The following CCDC102B variants were observed in gnomAD, a reference collection of about 807,000 sequenced individuals.
The protein encoded by CCDC102B is coiled-coil domain-containing protein 102B.
CCDC102B carries 75 observed loss-of-function variants against 57.4 expected under a neutral mutation model. The observed-to-expected ratio is 1.31, with a 90% CI of 1.08 to 1.58. The LOEUF is 1.58. CCDC102B is among the 40% of genes most tolerant of loss of function. The pLI is 0.00. For missense variants in CCDC102B, 636 were observed against 582.6 expected (o/e 1.09, Z -0.94); for synonymous variants, 206 against 201.9 (o/e 1.02, Z -0.17).
intron 7 of CCDC102B, among the ~76,000 whole-genome samples, chr18:69,049,363 C>T (rs1320567241): frequency 1.3e-5 from 2 of 152,052 alleles, no homozygotes; most frequent in African/African-American, 4.8e-5. Context: ...CTGCAAAGGA[C>T]ATGAATTCAT....
At chr18:68,969,643 GC>G (rs1361496085) in intron 6 of CCDC102B, among the ~76,000 whole-genome samples, 1 of 151,714 alleles carries the variant, frequency 6.6e-6, no homozygotes, top group Non-Finnish European at 1.5e-5. Flanking sequence ...TAAAACATAT[GC>G]CACAAAATTT....
intron 6 of CCDC102B, among the ~76,000 whole-genome samples, chr18:68,945,822 A>T (rs2049523013): frequency 6.6e-6 from 1 of 152,074 alleles, no homozygotes; most frequent in African/African-American, 2.4e-5. Context: ...TGCTGATACT[A>T]CTACATTTTC....
intron 2 of CCDC102B, among the ~76,000 whole-genome samples, chr18:68,769,580 T>C (rs182957237): frequency 6.6e-6 from 1 of 152,202 alleles, no homozygotes; most frequent in African/African-American, 2.4e-5. Flanking sequence ...TGGGCTCTGA[T>C]TTCAACAAGA....
chr18:68,731,338 C>G (rs2032853568), intron 2 of CCDC102B, among the ~76,000 whole-genome samples: 1 of 152,134 alleles, frequency 6.6e-6, no homozygotes, highest in Non-Finnish European at 1.5e-5. Flanking sequence ...GAGATGATCA[C>G]AAACCCCTAT....
At chr18:69,029,496 G>C (rs1794854080) in intron 7 of CCDC102B, among the ~76,000 whole-genome samples, 1 of 43,988 alleles carries the variant, frequency 2.3e-5, no homozygotes. Flanking sequence ...TCAGACATGT[G>C]AGAATTTTTT....
At position 68,987,682 on chromosome 18, in the gene CCDC102B, C is replaced by T. The variant is rs1743831814; in HGVS notation, c.1264-23252C>T. On this transcript the variant is annotated intron_variant, in intron 6 of 7. Coordinates refer to ENST00000360242, the MANE Select transcript of CCDC102B (RefSeq NM_024781.3). ...ACAAAGGTCTAACACACAGAATCTA[C>T]AACGAACTTAATAAGTGAAAAAAAG... Among the ~76,000 whole-genome samples the T allele has an allele frequency of 4.6e-5, 7 of 152,028 alleles. No individual in the cohort carries two copies. The South Asian group carries it at 1.2e-3, about 27-fold the overall frequency.
At chr18:68,753,877 T>A (rs1310931226) in intron 2 of CCDC102B, 1 of 152,188 alleles carries the variant, frequency 6.6e-6, no homozygotes, top group African/African-American at 2.4e-5. Flanking sequence ...TATCTTTTTA[T>A]GTGATTTATA....
chr18:68,803,639 C>A (rs929806233), intron 1 of CCDC102B, among the ~76,000 whole-genome samples: 3 of 152,152 alleles, frequency 2.0e-5, no homozygotes, highest in African/African-American at 7.2e-5. Flanking sequence ...GAGGCACAGG[C>A]AGAAGCTACT....
chr18:68,997,449 T>TTC (rs2051061496), intron 6 of CCDC102B, among the ~76,000 whole-genome samples: 1 of 151,884 alleles, frequency 6.6e-6, no homozygotes, highest in African/African-American at 2.4e-5. Context: ...TACCGATAAG[T>TTC]GTTCTGGCAA....
Position 68,771,869 on chromosome 18 carries a change from T to TACACACACACAC in CCDC102B, c.-66-51469_-66-51458dup, listed in dbSNP as rs57733183. Among the ~76,000 whole-genome samples the TACACACACACAC allele has an allele frequency of 8.7e-4, 123 of 142,110 alleles. 1 individual carries two copies. Among genetic ancestry groups the TACACACACACAC allele is most frequent in the South Asian group, 2.4e-3 (10 of 4,242 alleles). The allele number at this position is 142,110 out of a possible 152,430, so 93.2% of individuals were successfully genotyped here. A position where few individuals can be genotyped will look rare whatever the true frequency, so the allele number is the denominator to read the frequency against. ...GTACATATGAGTTGTTACTCTGAAA[T>TACACACACACAC]ACACACACACACACACACACACACA... On this transcript the variant is annotated intron_variant, in intron 2 of 3. Transcript: ENST00000578970.
At position 68,834,432 on chromosome 18, in the gene CCDC102B, C is replaced by CATATATATATATATATATATAT. The variant is rs67872866; in HGVS notation, c.-15-2316_-15-2295dup. On this transcript the variant is annotated intron_variant, in intron 1 of 7. Coordinates refer to ENST00000360242, the MANE Select transcript of CCDC102B (RefSeq NM_024781.3). ...ATATATGTAGTTGTATATGTAAATA[C>CATATATATATATATATATATAT]ATATATATATATATATATATATTTG... Among the ~76,000 whole-genome samples the CATATATATATATATATATATAT allele has an allele frequency of 1.3e-3, 180 of 137,632 alleles. 1 individual carries two copies. The highest frequency in any genetic ancestry group is 4.3e-3 in the African/African-American group (158 of 36,966). The allele number at this position is 137,632 out of a possible 152,430, so 90.3% of individuals were successfully genotyped here.
rs371026293 is a variant in CCDC102B at position 68,945,404 on chromosome 18, T to TTTGC, written c.1263+47979_1263+47982dup. ...ATTGTCAAGTTCATATAAAATGTGA[T>TTTGC]TTGCTTACCATGAGCAGCTCAAAAA... On this transcript the variant is annotated intron_variant, in intron 6 of 7. Transcript: ENST00000360242. 1.8e-3 allele frequency among the ~76,000 whole-genome samples: 279 copies of TTTGC among 152,210 alleles called. 1 individual carries two copies. The highest frequency in any genetic ancestry group is 6.1e-3 in the African/African-American group (255 of 41,550).
intron 1 of CCDC102B, among the ~76,000 whole-genome samples, chr18:68,822,595 A>G (rs1229351912): frequency 2.0e-5 from 3 of 152,136 alleles, no homozygotes; most frequent in Admixed American, 2.0e-4. Context: ...GCACCCAGGT[A>G]GGAGAGTATA....
chr18:68,734,508 G>A (rs539920027), intron 2 of CCDC102B, among the ~76,000 whole-genome samples: 5 of 152,174 alleles, frequency 3.3e-5, no homozygotes, highest in Non-Finnish European at 7.3e-5. Context: ...TTTATGCGTC[G>A]TGTGTATTTA....
chr18:69,027,732 T>C (rs1253550576), intron 7 of CCDC102B, among the ~76,000 whole-genome samples: 1 of 152,072 alleles, frequency 6.6e-6, no homozygotes, highest in African/African-American at 2.4e-5. Flanking sequence ...CATAGAAATA[T>C]ATACCTTATT....
At chr18:68,977,508 T>G (rs2145280242) in intron 6 of CCDC102B, among the ~76,000 whole-genome samples, 1 of 151,962 alleles carries the variant, frequency 6.6e-6, no homozygotes, top group South Asian at 2.1e-4. Context: ...ATTTGAAGTT[T>G]TAAAATAATT....
chr18:69,010,049 A>C (rs2145389684), intron 6 of CCDC102B, among the ~76,000 whole-genome samples: 1 of 140,202 alleles, frequency 7.1e-6, no homozygotes, highest in South Asian at 2.3e-4. Flanking sequence ...TTCCTGCCTC[A>C]GTCTCTGGAG....
intron 7 of CCDC102B, among the ~76,000 whole-genome samples, chr18:69,025,266 G>T (rs899955833): frequency 6.6e-6 from 1 of 152,118 alleles, no homozygotes; most frequent in Non-Finnish European, 1.5e-5. Flanking sequence ...AGACAAGATC[G>T]TTGGCAGAAA....
At chr18:69,012,628 TC>T (rs1288641464) in intron 7 of CCDC102B, among the ~76,000 whole-genome samples, 1 of 151,892 alleles carries the variant, frequency 6.6e-6, no homozygotes, top group Admixed American at 6.6e-5. Flanking sequence ...CTGGCGTGTT[TC>T]TTTTTTTTTT....
Sources: gnomAD v4.1 joint callset for allele counts (sites outside exome capture counted in the v4.1 genomes callset) on GRCh38, gnomAD v4.1.1 for gene constraint, MANE v1.5 for transcripts, NCBI Gene and HGNC (gene_info 2026-07-23, HGNC 2026-07-21) for gene names.